The following FGGY variants were observed in gnomAD, a reference collection of about 807,000 sequenced individuals.
FGGY encodes the protein FGGY carbohydrate kinase domain containing.
Under a neutral mutation model 71.3 loss-of-function variants are expected in FGGY, and 72 were observed. The ratio of observed to expected loss-of-function variants is 1.01; its 90% CI spans 0.84 to 1.23. The LOEUF (loss-of-function observed/expected upper bound fraction) is 1.23. Ranked by LOEUF, FGGY falls within the 50% of genes most tolerant of loss-of-function variation. The probability of loss-of-function intolerance (pLI) is 0.00; values close to 1 mark genes in which losing one functional copy is unlikely to be tolerated. For missense variants in FGGY, 668 were observed against 682.3 expected, an observed-to-expected ratio of 0.98 and a Z score of 0.23; for synonymous variants, 251 against 250.3, an observed-to-expected ratio of 1.00 and a Z score of -0.02.
At chr1:59,566,930 ATTAC>A (rs1424193874) in intron 8 of FGGY, among the ~76,000 whole-genome samples, 2 of 152,168 alleles carry the variant, frequency 1.3e-5, no homozygotes, top group Non-Finnish European at 2.9e-5. Flanking sequence ...TGTGGTCTTT[ATTAC>A]TTAGGGAGAT....
At chr1:59,327,747 C>T (rs2047694969) in intron 2 of FGGY, among the ~76,000 whole-genome samples, 1 of 152,110 alleles carries the variant, frequency 6.6e-6, no homozygotes, top group African/African-American at 2.4e-5. Context: ...TACTTGAAAG[C>T]TGAAATTTCT....
intron 7 of FGGY, among the ~76,000 whole-genome samples, chr1:59,530,107 A>G (rs1327864117): frequency 6.6e-6 from 1 of 152,146 alleles, no homozygotes; most frequent in Non-Finnish European, 1.5e-5. Context: ...ATTGTCTTAG[A>G]TGGAGATATC....
intron 7 of FGGY, 103 bp downstream of exon 7, chr1:59,512,542 T>C: frequency 7.8e-7 from 1 of 1,280,282 alleles, no homozygotes; most frequent in Non-Finnish European, 1.0e-6. Flanking sequence ...GGTCAAGGAC[T>C]TTGGTGTTTC....
chr1:59,496,954 AC>A lies in FGGY; in HGVS notation c.671-15356del, dbSNP rs2094054661. Among the ~76,000 whole-genome samples, 3 of 152,196 alleles carry A rather than the reference AC, an allele frequency of 2.0e-5. No homozygotes were observed. In the East Asian group the frequency reaches 5.8e-4, roughly 29 times the overall value. On this transcript the variant is annotated intron_variant, in intron 6 of 15. Transcript: ENST00000303721. ...ATCTTTTTAAACTCCTCTGGGAAAC[AC>A]TGATTTAAGGCAACATGACAATTAT...
intron 6 of FGGY, among the ~76,000 whole-genome samples, chr1:59,462,048 T>A (rs1278436361): frequency 1.4e-5 from 2 of 145,818 alleles, no homozygotes; most frequent in Non-Finnish European, 3.0e-5. Flanking sequence ...CATTGTTCAA[T>A]TCCCATCTAT....
chr1:59,559,882 A>T (rs1328963779), intron 8 of FGGY, among the ~76,000 whole-genome samples: 1 of 152,192 alleles, frequency 6.6e-6, no homozygotes, highest in Non-Finnish European at 1.5e-5. Flanking sequence ...TGAATAAATA[A>T]ATCAATGAAA....
intron 4 of FGGY, 66 bp downstream of exon 4, chr1:59,346,464 T>C (rs1271351176): frequency 4.5e-6 from 7 of 1,558,698 alleles, no homozygotes; most frequent in Non-Finnish European, 6.1e-6. Context: ...TGTGGACCTG[T>C]AGGTACCAGG....
chr1:59,541,688 G>GA (rs944779261), intron 7 of FGGY, among the ~76,000 whole-genome samples: 35 of 152,236 alleles, frequency 2.3e-4, no homozygotes, highest in African/African-American at 7.5e-4. Context: ...GAAGGAGAAT[G>GA]AAAAATAATA....
rs1047043268 is a variant in FGGY at position 59,328,327 on chromosome 1, A to G, written c.201+6577A>G. 5.3e-4 allele frequency among the ~76,000 whole-genome samples: 81 copies of G among 152,300 alleles called. 1 individual carries two copies. The highest frequency in any genetic ancestry group is 1.9e-3 in the African/African-American group (78 of 41,570). The stretch of plus-strand genomic sequence containing the variant: ...TTGCTGCTTCACCTTGTGTTTTTAT[A>G]TTATGGAAATGGCTTGTTTACTTAA... On this transcript the variant is annotated intron_variant, in intron 2 of 15. Coordinates refer to ENST00000303721, the MANE Select transcript of FGGY (RefSeq NM_018291.5).
Position 59,430,999 on chromosome 1 carries a change from T to C in FGGY, c.555-25962T>C, listed in dbSNP as rs369276328. Among the ~76,000 whole-genome samples, 30 of 152,324 alleles carry C rather than the reference T, an allele frequency of 2.0e-4. No individual in the cohort carries two copies. In the East Asian group the frequency reaches 4.4e-3, roughly 23 times the overall value. On this transcript the variant is annotated intron_variant, in intron 5 of 15. Coordinates refer to ENST00000303721, the MANE Select transcript of FGGY (RefSeq NM_018291.5). ...CAATAACTCAAACAAGAAACCTTGA[T>C]GGCATGCCTTCCATATCCATTACTG...
At chr1:59,579,145 T>C (rs1156458072) in intron 8 of FGGY, among the ~76,000 whole-genome samples, 2 of 152,144 alleles carry the variant, frequency 1.3e-5, no homozygotes, top group Non-Finnish European at 2.9e-5. Flanking sequence ...GATCGTTCTG[T>C]TGGCAGCATT....
At chr1:59,358,959 T>C (rs1366137712) in intron 4 of FGGY, among the ~76,000 whole-genome samples, 2 of 152,202 alleles carry the variant, frequency 1.3e-5, no homozygotes, top group South Asian at 4.1e-4. Flanking sequence ...TCAACTTTAT[T>C]ACCTCTGGCA....
At chr1:59,474,602 T>C (rs558408285) in intron 6 of FGGY, among the ~76,000 whole-genome samples, 22 of 152,366 alleles carry the variant, frequency 1.4e-4, no homozygotes, top group Non-Finnish European at 2.6e-4. Context: ...TAGAAGAATG[T>C]CAAGGAGGGA....
chr1:59,358,353 T>C lies in FGGY; in HGVS notation c.465+11955T>C, dbSNP rs191309444. The stretch of plus-strand genomic sequence containing the variant: ...ATTCATTTAATCAGTGAAAGAAACT[T>C]TTGTCTGGTAACTACTAGGTACAAA... On this transcript the variant is annotated intron_variant, in intron 4 of 15. Coordinates refer to ENST00000303721, the MANE Select transcript of FGGY (RefSeq NM_018291.5). 4.6e-5 allele frequency among the ~76,000 whole-genome samples: 7 copies of C among 152,224 alleles called. No homozygotes were observed. The East Asian group carries it at 7.7e-4, about 17-fold the overall frequency.
intron 6 of FGGY, among the ~76,000 whole-genome samples, chr1:59,475,381 A>G (rs564670611): frequency 6.6e-6 from 1 of 152,242 alleles, no homozygotes; most frequent in African/African-American, 2.4e-5. Flanking sequence ...TAAAAAAAAT[A>G]CAGGATATGT....
chr1:59,659,946 G>A (rs111428546), intron 11 of FGGY, among the ~76,000 whole-genome samples: 14 of 152,218 alleles, frequency 9.2e-5, no homozygotes, highest in East Asian at 1.9e-4. Context: ...TTTAATTATC[G>A]TCTAAGAAAT....
chr1:59,502,745 T>C (rs1441456338), intron 6 of FGGY, among the ~76,000 whole-genome samples: 1 of 152,188 alleles, frequency 6.6e-6, no homozygotes, highest in Non-Finnish European at 1.5e-5. Context: ...CACAACTGGT[T>C]GACTCCAGGG....
intron 9 of FGGY, among the ~76,000 whole-genome samples, chr1:59,612,087 CCA>C (rs2096688659): frequency 6.6e-6 from 1 of 151,804 alleles, no homozygotes; most frequent in Non-Finnish European, 1.5e-5. Context: ...AGGATATTAT[CCA>C]GAACTTCCCC....
At chr1:59,326,720 G>A (rs1285747047) in intron 2 of FGGY, among the ~76,000 whole-genome samples, 1 of 151,782 alleles carries the variant, frequency 6.6e-6, no homozygotes, top group Non-Finnish European at 1.5e-5. Context: ...TGCATTTGAA[G>A]TGTTTTTTTT....
Sources: allele counts gnomAD v4.1 joint callset (sites outside exome capture counted in the v4.1 genomes callset), GRCh38; gene constraint gnomAD v4.1.1; transcripts MANE v1.5; gene names NCBI Gene and HGNC (gene_info 2026-07-23, HGNC 2026-07-21).